FERMT2: variants seen among roughly 807,000 people sequenced by gnomAD.
FERMT2 encodes the protein FERM domain containing kindlin 2.
In FERMT2, 15 loss-of-function variants were observed where a neutral mutation model predicts 82.7. The ratio of observed to expected loss-of-function variants is 0.18; its 90% CI spans 0.12 to 0.28. FERMT2 has a LOEUF of 0.28. Ranked by LOEUF, FERMT2 falls within the 10% of genes least tolerant of loss-of-function variation. The pLI, the probability that FERMT2 is intolerant of heterozygous loss-of-function variation, is 1.00. For synonymous variants in FERMT2, 274 were observed against 271.5 expected, an observed-to-expected ratio of 1.01 and a Z score of -0.09; for missense variants, 645 against 809.4, an observed-to-expected ratio of 0.80 and a Z score of 2.46.
At chr14:52,914,940 A>C (rs1044144712) in intron 3 of FERMT2, among the ~76,000 whole-genome samples, 3 of 148,668 alleles carry the variant, frequency 2.0e-5, no homozygotes, top group African/African-American at 7.6e-5. Flanking sequence ...CATAACAAAA[A>C]ATAAATAAAA....
chr14:52,860,054 T>TG (rs1476615160), intron 13 of FERMT2: 1 of 309,314 alleles, frequency 3.2e-6, no homozygotes, highest in Non-Finnish European at 5.9e-6. Flanking sequence ...CCTGACCTCG[T>TG]GATCCACCCA....
intron 3 of FERMT2, among the ~76,000 whole-genome samples, chr14:52,913,129 G>T (rs1888420514): frequency 1.3e-5 from 2 of 151,984 alleles, no homozygotes; most frequent in African/African-American, 4.8e-5. Context: ...CACAACTGGG[G>T]ATAAAAAGCA....
intron 2 of FERMT2, among the ~76,000 whole-genome samples, chr14:52,946,544 T>C (rs1169266344): frequency 6.6e-6 from 1 of 152,044 alleles, no homozygotes; most frequent in East Asian, 1.9e-4. Flanking sequence ...TTCCAGCTAC[T>C]CAGGAAGCTA....
chr14:52,904,946 T>A (rs1168579852), intron 3 of FERMT2, among the ~76,000 whole-genome samples: 1 of 151,938 alleles, frequency 6.6e-6, no homozygotes, highest in South Asian at 2.1e-4. Context: ...TCCCAGCACC[T>A]TGGGAGGCTG....
At chr14:52,942,658 T>C (rs1381602237) in intron 2 of FERMT2, among the ~76,000 whole-genome samples, 1 of 152,074 alleles carries the variant, frequency 6.6e-6, no homozygotes, top group Non-Finnish European at 1.5e-5. Flanking sequence ...TCAGGTTGGA[T>C]TCATTGTCCA....
intron 4 of FERMT2, among the ~76,000 whole-genome samples, chr14:52,882,739 AGTG>A (rs1294271716): frequency 6.6e-6 from 1 of 152,044 alleles, no homozygotes; most frequent in Non-Finnish European, 1.5e-5. Flanking sequence ...CCTGTGAAAA[AGTG>A]GTGCTAATGC....
At chr14:52,922,930 G>A (rs950265010) in intron 2 of FERMT2, among the ~76,000 whole-genome samples, 1 of 152,090 alleles carries the variant, frequency 6.6e-6, no homozygotes, top group Non-Finnish European at 1.5e-5. Flanking sequence ...GAACATCAAC[G>A]AGCGTATTCA....
chr14:52,861,049 G>A (rs761290096), intron 12 of FERMT2: 25 of 1,497,630 alleles, frequency 1.7e-5, no homozygotes, highest in South Asian at 4.1e-5. Context: ...AGATGGCAAT[G>A]CGAGGAAAGA....
chr14:52,949,049 T>A (rs1230607604), intron 2 of FERMT2, among the ~76,000 whole-genome samples: 1 of 152,208 alleles, frequency 6.6e-6, no homozygotes, highest in African/African-American at 2.4e-5. Context: ...AACTGCCAGT[T>A]AAATGGTTAA....
intron 2 of FERMT2, among the ~76,000 whole-genome samples, chr14:52,941,154 C>T (rs1204453479): frequency 6.6e-6 from 1 of 152,158 alleles, no homozygotes; most frequent in Non-Finnish European, 1.5e-5. Flanking sequence ...ACTATTGATA[C>T]AAACACATGA....
chr14:52,862,885 G>C (rs1402416067), intron 12 of FERMT2: 2 of 152,174 alleles, frequency 1.3e-5, no homozygotes, highest in African/African-American at 4.8e-5. Context: ...AGGCTTCTGA[G>C]AAAACAAATA....
At chr14:52,872,010 A>G (rs1262623131) in intron 10 of FERMT2, 3 of 152,398 alleles carry the variant, frequency 2.0e-5, no homozygotes, top group African/African-American at 4.8e-5. Flanking sequence ...CCAAACCCTG[A>G]AAGTGTCAGC....
intron 3 of FERMT2, among the ~76,000 whole-genome samples, chr14:52,916,878 T>C (rs145863864): frequency 6.6e-6 from 1 of 152,158 alleles, no homozygotes. Flanking sequence ...TTCTCAAAAA[T>C]GGACAAATGA....
intron 12 of FERMT2, chr14:52,860,747 G>A (rs975011244): frequency 8.9e-6 from 5 of 560,500 alleles, no homozygotes; most frequent in African/African-American, 5.8e-5. Flanking sequence ...TACACCTAAC[G>A]GTACTACTAT....
chr14:52,884,676 G>A (rs980899585), intron 4 of FERMT2, among the ~76,000 whole-genome samples: 13 of 151,926 alleles, frequency 8.6e-5, no homozygotes, highest in Admixed American at 4.6e-4. Flanking sequence ...TATAACTTAC[G>A]TAAGCCATTC....
chr14:52,885,378 C>A (rs1191946423), intron 4 of FERMT2, among the ~76,000 whole-genome samples: 2 of 128,476 alleles, frequency 1.6e-5, no homozygotes, highest in Admixed American at 1.6e-4. Context: ...AATGCTTCAA[C>A]AAACATTTTT....
intron 6 of FERMT2, among the ~76,000 whole-genome samples, chr14:52,880,632 T>C (rs979800391): frequency 6.6e-6 from 1 of 152,068 alleles, no homozygotes; most frequent in African/African-American, 2.4e-5. Flanking sequence ...TTCCTGACCA[T>C]GTGATCCGCC....
At chr14:52,889,817 C>T (rs189856488) in intron 4 of FERMT2, among the ~76,000 whole-genome samples, 2 of 152,274 alleles carry the variant, frequency 1.3e-5, no homozygotes, top group African/African-American at 4.8e-5. Flanking sequence ...CTAAACATCT[C>T]TAAACATAGA....
At position 52,858,290 on chromosome 14, in the gene FERMT2, G is replaced by GCTTA; in HGVS notation, c.*83_*86dup. 8.5e-7 allele frequency: 1 copy of GCTTA among 1,182,236 alleles called. No individual in the cohort carries two copies. 73.2% of individuals were successfully genotyped at this position (1,182,236 alleles called of 1,614,324 possible). A position where few individuals can be genotyped will look rare whatever the true frequency, so the allele number is the denominator to read the frequency against. On this transcript the variant is annotated 3_prime_UTR_variant, in exon 15 of 15. Coordinates refer to ENST00000341590, the MANE Select transcript of FERMT2 (RefSeq NM_006832.3). ...TTCATGATAAAATGATAAATTTCAA[G>GCTTA]CTTACTTTATTAAGCAGCATATAAC...
Sources: allele counts gnomAD v4.1 joint callset (sites outside exome capture counted in the v4.1 genomes callset), GRCh38; gene constraint gnomAD v4.1.1; transcripts MANE v1.5; gene names NCBI Gene and HGNC (gene_info 2026-07-23, HGNC 2026-07-21).